The following CSMD3 variants were observed in gnomAD, a reference collection of about 807,000 sequenced individuals.
CSMD3 encodes CUB and sushi domain-containing protein 3.
In CSMD3, 177 loss-of-function variants were observed where a neutral mutation model predicts 435.2. That is an observed-to-expected ratio of 0.41 (90% CI 0.36 to 0.46). CSMD3 has a LOEUF of 0.46. Ranked by LOEUF, CSMD3 falls within the 20% of genes least tolerant of loss-of-function variation. CSMD3 has a pLI of 0.34. For synonymous variants in CSMD3, 1,656 were observed against 1,520.5 expected, an observed-to-expected ratio of 1.09 and a Z score of -2.07; for missense variants, 4,265 against 4,504.6, an observed-to-expected ratio of 0.95 and a Z score of 1.52.
At chr8:112,418,616 A>T (rs1219256002) in intron 32 of CSMD3, among the ~76,000 whole-genome samples, 1 of 152,190 alleles carries the variant, frequency 6.6e-6, no homozygotes, top group Non-Finnish European at 1.5e-5. Flanking sequence ...AATAAATAAA[A>T]GTGTAGTATT....
chr8:113,374,225 A>C (rs983020026), intron 1 of CSMD3, among the ~76,000 whole-genome samples: 6 of 152,114 alleles, frequency 3.9e-5, no homozygotes, highest in African/African-American at 1.4e-4. Flanking sequence ...TATTTGAAAA[A>C]CATTACAGTC....
At chr8:112,775,790 T>TC (rs2078230915) in intron 13 of CSMD3, among the ~76,000 whole-genome samples, 2 of 152,032 alleles carry the variant, frequency 1.3e-5, no homozygotes, top group East Asian at 3.9e-4. Flanking sequence ...TTGTGTGTTT[T>TC]AACTATCTTC....
chr8:112,352,316 A>G, intron 39 of CSMD3, 100 bp downstream of exon 39: 1 of 1,574,436 alleles, frequency 6.4e-7, no homozygotes, highest in Non-Finnish European at 8.7e-7. Flanking sequence ...GACACAAACC[A>G]GGATCAATGT....
intron 3 of CSMD3, among the ~76,000 whole-genome samples, chr8:113,243,428 G>GT (rs1228090617): frequency 6.6e-6 from 1 of 152,004 alleles, no homozygotes; most frequent in African/African-American, 2.4e-5. Context: ...GTTGTAGCAA[G>GT]TATCAGTGTG....
intron 45 of CSMD3, among the ~76,000 whole-genome samples, chr8:112,334,974 A>G (rs1385774821): frequency 6.6e-6 from 1 of 152,212 alleles, no homozygotes; most frequent in Non-Finnish European, 1.5e-5. Context: ...GGTTGAATAG[A>G]TTAAACATTT....
intron 3 of CSMD3, among the ~76,000 whole-genome samples, chr8:113,218,117 T>TATA (rs1554578590): frequency 1.3e-5 from 2 of 149,758 alleles, no homozygotes; most frequent in Non-Finnish European, 3.0e-5. Flanking sequence ...TATATATATA[T>TATA]ATTTTAATAT....
At chr8:112,915,299 C>CT (rs891479166) in intron 10 of CSMD3, among the ~76,000 whole-genome samples, 7 of 151,510 alleles carry the variant, frequency 4.6e-5, no homozygotes, top group Non-Finnish European at 1.0e-4. Context: ...TTATTGCAGT[C>CT]TTTTTTTCCT....
intron 1 of CSMD3, among the ~76,000 whole-genome samples, chr8:113,404,141 C>T (rs2094522199): frequency 6.6e-6 from 1 of 151,358 alleles, no homozygotes; most frequent in Admixed American, 6.6e-5. Context: ...GAAAATTGAT[C>T]TGCCTTTTAA....
chr8:112,710,519 A>G (rs1043584597), intron 13 of CSMD3, among the ~76,000 whole-genome samples: 13 of 152,106 alleles, frequency 8.5e-5, no homozygotes, highest in Non-Finnish European at 2.9e-5. Context: ...CGCCAGTCAC[A>G]TATAGAAATT....
chr8:113,070,424 CAT>C (rs1273866899), intron 5 of CSMD3, among the ~76,000 whole-genome samples: 4 of 151,926 alleles, frequency 2.6e-5, no homozygotes, highest in Admixed American at 2.0e-4. Context: ...ATTTTTCTCA[CAT>C]AGTCACTGCT....
chr8:112,756,212 C>T (rs996598346), intron 13 of CSMD3, among the ~76,000 whole-genome samples: 7 of 152,216 alleles, frequency 4.6e-5, no homozygotes, highest in African/African-American at 1.4e-4. Context: ...ATGTACTGGT[C>T]ACTTGTTCCA....
chr8:112,268,390 T>C (rs889078383), intron 59 of CSMD3, among the ~76,000 whole-genome samples: 14 of 152,232 alleles, frequency 9.2e-5, no homozygotes, highest in African/African-American at 3.1e-4. Context: ...ATGCTACAAA[T>C]AAAACATAAT....
At chr8:113,342,740 A>G (rs1205187637) in intron 1 of CSMD3, among the ~76,000 whole-genome samples, 1 of 152,136 alleles carries the variant, frequency 6.6e-6, no homozygotes, top group African/African-American at 2.4e-5. Flanking sequence ...GATCTCACTC[A>G]CAATGTATGA....
chr8:113,036,257 C>T (rs534560184), intron 5 of CSMD3, among the ~76,000 whole-genome samples: 2 of 151,872 alleles, frequency 1.3e-5, no homozygotes, highest in South Asian at 2.1e-4. Flanking sequence ...ATGATCAGTG[C>T]GTCTATTCAA....
intron 22 of CSMD3, among the ~76,000 whole-genome samples, chr8:112,598,031 G>A (rs993518994): frequency 6.7e-6 from 1 of 148,502 alleles, no homozygotes; most frequent in African/African-American, 2.5e-5. Flanking sequence ...AATTAGGCAG[G>A]AGAAGGAAAT....
chr8:112,673,681 G>T lies in CSMD3; in HGVS notation c.2678-7266C>A, dbSNP rs558909115. 2.6e-5 allele frequency among the ~76,000 whole-genome samples: 4 copies of T among 152,158 alleles called. No individual in the cohort carries two copies. The South Asian group carries it at 8.3e-4, about 32-fold the overall frequency. On this transcript the variant is annotated intron_variant, in intron 16 of 70. Coordinates refer to ENST00000297405, the MANE Select transcript of CSMD3 (RefSeq NM_198123.2). The stretch of plus-strand genomic sequence containing the variant: ...GGCTTCCTTTCCTCTGAGACTAATT[G>T]AGATTCAAGAGAGAACCTCTTACCC...
intron 10 of CSMD3, among the ~76,000 whole-genome samples, chr8:112,901,386 T>C (rs1174042816): frequency 2.0e-5 from 3 of 151,206 alleles, no homozygotes; most frequent in African/African-American, 4.8e-5. Context: ...CTGAACAATC[T>C]CCCATGAGAA....
At chr8:112,752,521 G>A (rs1353802521) in intron 13 of CSMD3, among the ~76,000 whole-genome samples, 1 of 152,266 alleles carries the variant, frequency 6.6e-6, no homozygotes, top group East Asian at 1.9e-4. Context: ...AGGGACTAAG[G>A]GAGGAGAAAA....
chr8:113,200,416 A>G (rs925832688), intron 3 of CSMD3, among the ~76,000 whole-genome samples: 1 of 151,628 alleles, frequency 6.6e-6, no homozygotes, highest in Non-Finnish European at 1.5e-5. Context: ...GATAATCTTA[A>G]AAGGTAAATC....
Sources: gnomAD v4.1 joint callset for allele counts (sites outside exome capture counted in the v4.1 genomes callset) on GRCh38, gnomAD v4.1.1 for gene constraint, MANE v1.5 for transcripts, NCBI Gene and HGNC (gene_info 2026-07-23, HGNC 2026-07-21) for gene names.